SPTLC3: variants seen among roughly 807,000 people sequenced by gnomAD.
SPTLC3 encodes the protein serine palmitoyltransferase 3.
SPTLC3 carries 36 observed loss-of-function variants against 59.3 expected under a neutral mutation model. That is an observed-to-expected ratio of 0.61 (90% CI 0.47 to 0.80). The LOEUF is 0.80. Among genes scored for constraint, SPTLC3 ranks in the 30% least tolerant of loss-of-function variants. The pLI, the probability that SPTLC3 is intolerant of heterozygous loss-of-function variation, is 0.00. For missense variants in SPTLC3, 625 were observed against 685.1 expected (o/e 0.91, Z 0.98); for synonymous variants, 257 against 240.8 (o/e 1.07, Z -0.62).
chr20:13,090,607 C>A (rs1229926857), intron 4 of SPTLC3, among the ~76,000 whole-genome samples: 2 of 152,116 alleles, frequency 1.3e-5, no homozygotes, highest in Non-Finnish European at 2.9e-5. Flanking sequence ...TGGATCTCCA[C>A]AAAGCAAACA....
chr20:13,066,807 T>G (rs1411791065), intron 2 of SPTLC3, among the ~76,000 whole-genome samples: 1 of 151,908 alleles, frequency 6.6e-6, no homozygotes, highest in African/African-American at 2.4e-5. Flanking sequence ...GTCTCCTTAT[T>G]TCAATCTTGC....
intron 6 of SPTLC3, among the ~76,000 whole-genome samples, chr20:13,104,128 G>C (rs1326678177): frequency 6.6e-6 from 1 of 152,202 alleles, no homozygotes; most frequent in Non-Finnish European, 1.5e-5. Context: ...CAGTAATCCA[G>C]TTAACTATGC....
At chr20:13,099,297 C>T (rs1416198969) in intron 6 of SPTLC3, among the ~76,000 whole-genome samples, 4 of 152,194 alleles carry the variant, frequency 2.6e-5, no homozygotes, top group South Asian at 4.1e-4. Flanking sequence ...CCCTAGAAGC[C>T]GGAAAAACCA....
At chr20:13,108,558 T>C (rs945960099) in intron 6 of SPTLC3, among the ~76,000 whole-genome samples, 2 of 152,162 alleles carry the variant, frequency 1.3e-5, no homozygotes, top group African/African-American at 4.8e-5. Context: ...CAGTACTGAC[T>C]ATGCAGCTTT....
intron 10 of SPTLC3, among the ~76,000 whole-genome samples, chr20:13,154,557 A>G (rs966081256): frequency 6.6e-6 from 1 of 152,170 alleles, no homozygotes; most frequent in Non-Finnish European, 1.5e-5. Flanking sequence ...CGTCCTCAGA[A>G]GAGGACATTC....
chr20:13,119,678 T>C (rs4428077), intron 8 of SPTLC3, among the ~76,000 whole-genome samples: 108,587 of 152,034 alleles, frequency 0.71, 39,076 homozygotes, highest in African/African-American at 0.78. Flanking sequence ...CATGTTACAC[T>C]GCAGTGTCTA....
At chr20:13,044,016 C>T (rs923712624) in intron 1 of SPTLC3, among the ~76,000 whole-genome samples, 2 of 152,136 alleles carry the variant, frequency 1.3e-5, no homozygotes, top group African/African-American at 4.8e-5. Context: ...CTCCCTCTCC[C>T]ACTTGCTGTC....
intron 3 of SPTLC3, among the ~76,000 whole-genome samples, chr20:13,072,893 T>C (rs975263369): frequency 6.6e-6 from 1 of 152,196 alleles, no homozygotes; most frequent in Admixed American, 6.5e-5. Flanking sequence ...GGGTTTACCT[T>C]TCTCTTAGGG....
intron 2 of SPTLC3, among the ~76,000 whole-genome samples, chr20:13,060,684 A>T (rs1987937225): frequency 7.5e-6 from 1 of 132,662 alleles, no homozygotes; most frequent in African/African-American, 2.9e-5. Context: ...GCTCCCACTT[A>T]GAAGTGAGAA....
At chr20:13,159,377 T>A (rs1288864096) in intron 10 of SPTLC3, among the ~76,000 whole-genome samples, 1 of 152,160 alleles carries the variant, frequency 6.6e-6, no homozygotes, top group African/African-American at 2.4e-5. Context: ...GCATGTTCAT[T>A]CACATATGAA....
intron 7 of SPTLC3, among the ~76,000 whole-genome samples, chr20:13,112,136 C>T (rs747972411): frequency 2.6e-5 from 4 of 152,190 alleles, no homozygotes; most frequent in Non-Finnish European, 4.4e-5. Context: ...CCCACGCTAC[C>T]GTGGGTTGTG....
At chr20:13,041,599 G>C (rs1476172851) in intron 1 of SPTLC3, among the ~76,000 whole-genome samples, 1 of 151,838 alleles carries the variant, frequency 6.6e-6, no homozygotes, top group Non-Finnish European at 1.5e-5. Flanking sequence ...CCAACATCTT[G>C]GTCCTTCTCA....
rs963427690 is a variant in SPTLC3, at chr20:13,049,010, T to C, written c.183T>C (p.His61=). Residue 61 remains histidine, a synonymous_variant, in exon 2 of 12, where the codon CAT becomes CAC. Transcript: ENST00000399002. ...IVESFEEAPL[H]VMVFTYMGYG... ...AATCGTTTGAGGAAGCACCCCTTCA[T>C]GTTATGGTTTTCACTTACATGGGAT... 1 of 1,610,842 alleles carries C rather than the reference T, an allele frequency of 6.2e-7. No homozygotes were observed. The highest frequency in any genetic ancestry group is 1.7e-5 in the Admixed American group (1 of 59,218).
rs539534707 is a variant in SPTLC3, at chr20:13,024,518, T to C, written c.117+15134T>C. ...CATTAACTTCAATATTTTTCTATAG[T>C]TTTTTTTCTTTTGAGGTAAAATTTA... On this transcript the variant is annotated intron_variant, in intron 1 of 11. Transcript: ENST00000399002. Among the ~76,000 whole-genome samples, 23 of 152,120 alleles carry C rather than the reference T, an allele frequency of 1.5e-4. No homozygotes were observed. In the East Asian group the frequency reaches 4.4e-3, roughly 29 times the overall value.
chr20:13,098,002 G>A (rs1989479673), intron 6 of SPTLC3, among the ~76,000 whole-genome samples: 1 of 152,092 alleles, frequency 6.6e-6, no homozygotes, highest in African/African-American at 2.4e-5. Flanking sequence ...TACTGAAGTG[G>A]ATCATTTCAC....
At chr20:13,091,350 G>A (rs1487395276) in intron 5 of SPTLC3, 143 bp downstream of exon 5, 30 of 984,362 alleles carry the variant, frequency 3.0e-5, no homozygotes, top group South Asian at 1.1e-4. Context: ...CAAGGCGGGC[G>A]GATCACGAGG....
chr20:13,137,109 T>C (rs1277144662), intron 9 of SPTLC3, among the ~76,000 whole-genome samples: 1 of 119,676 alleles, frequency 8.4e-6, no homozygotes, highest in Non-Finnish European at 1.9e-5. Flanking sequence ...GAAGTTCCTC[T>C]TCAATCTGGG....
chr20:13,051,508 C>T (rs1987490986), intron 2 of SPTLC3, among the ~76,000 whole-genome samples: 1 of 152,210 alleles, frequency 6.6e-6, no homozygotes, highest in Non-Finnish European at 1.5e-5. Flanking sequence ...CAGTACTCCA[C>T]TGACAGCACT....
chr20:13,059,266 A>G (rs1987853700), intron 2 of SPTLC3, among the ~76,000 whole-genome samples: 1 of 152,206 alleles, frequency 6.6e-6, no homozygotes, highest in Non-Finnish European at 1.5e-5. Flanking sequence ...GGCTGCTTAA[A>G]CAAAAATGGA....
Sources: allele counts gnomAD v4.1 joint callset (sites outside exome capture counted in the v4.1 genomes callset), GRCh38; gene constraint gnomAD v4.1.1; transcripts MANE v1.5; gene names NCBI Gene and HGNC (gene_info 2026-07-23, HGNC 2026-07-21).